The following HEY1 variants were observed in gnomAD, a reference collection of about 807,000 sequenced individuals.
HEY1 encodes the protein hes related family bHLH transcription factor with YRPW motif 1.
Under a neutral mutation model 28.7 loss-of-function variants are expected in HEY1, and 9 were observed. The ratio of observed to expected loss-of-function variants is 0.31; its 90% CI spans 0.19 to 0.55. The LOEUF is 0.55. Among genes scored for constraint, HEY1 ranks in the 20% least tolerant of loss-of-function variants. The pLI is 0.93. For missense variants in HEY1, 385 were observed against 399.4 expected (o/e 0.96, Z 0.31); for synonymous variants, 213 against 175.6 (o/e 1.21, Z -1.68).
chr8:79,764,150 TAAATC>T lies in HEY1; in HGVS notation c.*1033_*1037del, dbSNP rs1807769438. On this transcript the variant is annotated 3_prime_UTR_variant, in exon 5 of 5. Transcript: ENST00000354724. ...ATTTTATAGCCCAAATCAAATTAAA[TAAATC>T]AAAGAGAAGGAGGCAGGAAAGCCCT... is the stretch of plus-strand genomic sequence containing the variant. 2 of 205,782 alleles carry T rather than the reference TAAATC, an allele frequency of 9.7e-6. No individual in the cohort carries two copies. The highest frequency in any genetic ancestry group is 9.9e-6 in the Non-Finnish European group (1 of 100,858). The allele number at this position is 205,782 out of a possible 1,614,324, so 12.7% of individuals were successfully genotyped here.
In HEY1 at chr8:79,764,372, T is replaced by C. The variant is rs977007375; in HGVS notation, c.*816A>G. 4.4e-6 allele frequency: 1 copy of C among 226,698 alleles called. No homozygotes were observed. The highest frequency in any genetic ancestry group is 8.8e-6 in the Non-Finnish European group (1 of 114,152). The allele number at this position is 226,698 out of a possible 1,614,324, so 14.0% of individuals were successfully genotyped here. A position where few individuals can be genotyped will look rare whatever the true frequency, so the allele number is the denominator to read the frequency against. On this transcript the variant is annotated 3_prime_UTR_variant, in exon 5 of 5. Coordinates refer to ENST00000354724, the MANE Select transcript of HEY1 (RefSeq NM_012258.4). ...TTAACATTTGTGAATTTGAGATCCG[T>C]GTGATTAAAAATTCTTTGTGTTGCT...
At chr8:79,767,457 A>G in intron 1 of HEY1, 118 bp downstream of exon 1, 1 of 1,155,506 alleles carries the variant, frequency 8.7e-7, no homozygotes, top group Non-Finnish European at 1.2e-6. Context: ...CCAGCCTGCG[A>G]CGCGCGGAGG....
At position 79,765,459 on chromosome 8, in the gene HEY1, T is replaced by A. The variant is rs767805467; in HGVS notation, c.644A>T (p.His215Leu). The change falls in exon 5 of 5, where the codon CAC (histidine) becomes CTC (leucine). Residue 215 changes from histidine to leucine, a missense_variant. By Grantham distance (99) the His-to-Leu change is moderately conservative (BLOSUM62 -3). Transcript: ENST00000354724. ...ATGTGCCGAGCCCAGCCTGCCCTGG[T>A]GGTGCGGTTCCGTGGGTGAGGCCGT... ...GTTASPTEPHHQGRLGSAHPE... is the reference protein window; with the variant it reads ...GTTASPTEPHLQGRLGSAHPE... 2 of 1,613,224 alleles carry A rather than the reference T, an allele frequency of 1.2e-6. No individual in the cohort carries two copies. The highest frequency in any genetic ancestry group is 3.3e-5 in the Admixed American group (2 of 59,980).
At chr8:79,767,478 G>T in intron 1 of HEY1, 97 bp downstream of exon 1, 2 of 1,277,144 alleles carry the variant, frequency 1.6e-6, no homozygotes, top group Admixed American at 2.1e-5. Flanking sequence ...TCAGCGCAGG[G>T]CACCGGCGCG....
Position 79,767,067 on chromosome 8 carries a change from C to T in HEY1, c.191G>A (p.Arg64Gln). The change falls in exon 3 of 5, where the codon CGG (arginine) becomes CAG (glutamine). Residue 64 changes from arginine to glutamine, a missense_variant. Arg to Gln is a conservative substitution (Grantham distance 43, BLOSUM62 1). Around this residue, in one of 3 missense-constraint regions of HEY1, gnomAD observed 83 missense variants for 122.7 expected, o/e 0.68. Coordinates refer to ENST00000354724, the MANE Select transcript of HEY1 (RefSeq NM_012258.4). ...RGIIEKRRRD[R>Q]INNSLSELRR... Reference sequence around the variant, plus strand: ...CAGCTCAGACAAACTGTTATTGATCCGGTCTCGTCGGCGCTTCTCAATTAT... The same window carrying T: ...CAGCTCAGACAAACTGTTATTGATCTGGTCTCGTCGGCGCTTCTCAATTAT... 6.2e-7 allele frequency: 1 copy of T among 1,613,958 alleles called. No homozygotes were observed. The highest frequency in any genetic ancestry group is 8.5e-7 in the Non-Finnish European group (1 of 1,179,978).
rs766042211 is a variant in HEY1, at chr8:79,764,153, A to G, written c.*1035T>C. On this transcript the variant is annotated 3_prime_UTR_variant, in exon 5 of 5. Transcript: ENST00000354724. ...TTATAGCCCAAATCAAATTAAATAA[A>G]TCAAAGAGAAGGAGGCAGGAAAGCC... 9 of 206,936 alleles carry G rather than the reference A, an allele frequency of 4.3e-5. No individual in the cohort carries two copies. Among genetic ancestry groups the G allele is most frequent in the Admixed American group, 5.9e-5 (1 of 16,862 alleles). The allele number at this position is 206,936 out of a possible 1,614,324, so 12.8% of individuals were successfully genotyped here.
chr8:79,765,687 C>T lies in HEY1; in HGVS notation c.416G>A (p.Ser139Asn), dbSNP rs752303304. 6.2e-7 allele frequency: 1 copy of T among 1,614,246 alleles called. No homozygotes were observed. The highest frequency in any genetic ancestry group is 8.5e-7 in the Non-Finnish European group (1 of 1,180,040). ...ECLAEVARYL[S>N]IIEGLDASDP... ...AGAGGCATCTAGTCCTTCAATGATGCTCAGATAACGCGCAACTTCTGCCAG... is the reference window on the plus strand; with the variant it reads ...AGAGGCATCTAGTCCTTCAATGATGTTCAGATAACGCGCAACTTCTGCCAG... Residue 139 changes from serine (S) to asparagine (N), a missense_variant, in exon 5 of 5, where the codon AGC becomes AAC. Physicochemically the swap from Ser to Asn is conservative, Grantham distance 46. Coordinates refer to ENST00000354724, the MANE Select transcript of HEY1 (RefSeq NM_012258.4).
chr8:79,767,283 G>A lies in HEY1; in HGVS notation c.101C>T (p.Ser34Leu). 2 of 1,612,000 alleles carry A rather than the reference G, an allele frequency of 1.2e-6. 1 individual carries two copies. Among genetic ancestry groups the A allele is most frequent in the South Asian group, 2.2e-5 (2 of 90,442 alleles). The change falls in exon 2 of 5, where the codon TCG becomes TTG. Residue 34 changes from serine to leucine, a missense_variant. Ser to Leu is a moderately radical substitution (Grantham distance 145, BLOSUM62 -2). Around this residue, in one of 3 missense-constraint regions of HEY1, gnomAD observed 79 missense variants for 60.7 expected, o/e 1.30. Transcript: ENST00000354724. ...AGTTGGGGACATGGAACCTAGAGCCGAACTCAAGTTTCTGAAAAGAGAAAA... is the reference window on the plus strand; with the variant it reads ...AGTTGGGGACATGGAACCTAGAGCCAAACTCAAGTTTCTGAAAAGAGAAAA... ...ESADENGNLS[S>L]ALGSMSPTTS... is the part of the protein sequence containing the mutation.
rs1292947371 is a variant in HEY1 at position 79,765,230 on chromosome 8, G to A, written c.873C>T (p.Gly291=). Reference sequence around the variant, plus strand: ...CCGTCCCCCAAGGTCTATAGGGCTTGCCAAGGTTTGCAGCCTGCGTGGGTG... The same window carrying A: ...CCGTCCCCCAAGGTCTATAGGGCTTACCAAGGTTTGCAGCCTGCGTGGGTG... ...PSAPTQAANL[G]KPYRPWGTEI... Residue 291 remains glycine (G), a synonymous_variant, in exon 5 of 5, where the codon GGC becomes GGT. Transcript: ENST00000354724. The A allele has an allele frequency of 6.4e-7, 1 of 1,553,112 alleles. No individual in the cohort carries two copies. Among genetic ancestry groups the A allele is most frequent in the Non-Finnish European group, 8.7e-7 (1 of 1,147,488 alleles).
Position 79,767,051 on chromosome 8 carries a change from C to T in HEY1, c.207G>A (p.Leu69=). 1 of 1,614,060 alleles carries T rather than the reference C, an allele frequency of 6.2e-7. No homozygotes were observed. The highest frequency in any genetic ancestry group is 1.3e-5 in the African/African-American group (1 of 75,002). ...KRRRDRINNS[L]SELRRLVPSA... is the part of the protein sequence containing the mutation. Reference sequence around the variant, plus strand: ...TGGGTACCAGCCTTCTCAGCTCAGACAAACTGTTATTGATCCGGTCTCGTC... The same window carrying T: ...TGGGTACCAGCCTTCTCAGCTCAGATAAACTGTTATTGATCCGGTCTCGTC... Residue 69 remains leucine (L), a synonymous_variant, in exon 3 of 5, where the codon TTG becomes TTA. Coordinates refer to ENST00000354724, the MANE Select transcript of HEY1 (RefSeq NM_012258.4).
chr8:79,767,363 C>A, intron 1 of HEY1, 69 bp from the exon 2 acceptor site: 1 of 1,370,718 alleles, frequency 7.3e-7, no homozygotes, highest in South Asian at 1.2e-5. Context: ...TCTGAGAGGT[C>A]GCCCCCACAC....
At chr8:79,766,938 G>A (rs1807856831) in intron 3 of HEY1, 71 bp downstream of exon 3, 1 of 1,358,684 alleles carries the variant, frequency 7.4e-7, no homozygotes, top group Non-Finnish European at 1.0e-6. Context: ...CAAGGCGGAT[G>A]AGATTAATGA....
chr8:79,765,532 C>A lies in HEY1; in HGVS notation c.571G>T (p.Ala191Ser). ...TTCTGGGGCAGCAACAGCGGGTGCG[C>A]GATGTGCGGGTGATGTCCGAAGACG... is the stretch of plus-strand genomic sequence containing the variant. ...GTVFGHHPHI[A>S]HPLLLPQNGH... Residue 191 changes from alanine to serine, a missense_variant, in exon 5 of 5, where the codon GCG becomes TCG. Physicochemically the swap from Ala to Ser is moderately conservative, Grantham distance 99. Around this residue, in one of 3 missense-constraint regions of HEY1, gnomAD observed 223 missense variants for 215.9 expected, o/e 1.03. Coordinates refer to ENST00000354724, the MANE Select transcript of HEY1 (RefSeq NM_012258.4). 2 of 1,613,770 alleles carry A rather than the reference C, an allele frequency of 1.2e-6. No individual in the cohort carries two copies. Among genetic ancestry groups the A allele is most frequent in the Non-Finnish European group, 1.7e-6 (2 of 1,179,990 alleles).
In HEY1 at chr8:79,767,023, C is replaced by G; in HGVS notation, c.235G>C (p.Ala79Pro). 2 of 1,614,000 alleles carry G rather than the reference C, an allele frequency of 1.2e-6. No homozygotes were observed. Among genetic ancestry groups the G allele is most frequent in the Non-Finnish European group, 1.7e-6 (2 of 1,179,922 alleles). ...LSELRRLVPS[A>P]FEKQGSAKLE... ...TGCTCCATTACCTGCTTCTCAAAAG[C>G]ACTGGGTACCAGCCTTCTCAGCTCA... is the stretch of plus-strand genomic sequence containing the variant. Residue 79 changes from alanine (A) to proline (P), a missense_variant, in exon 3 of 5, where the codon GCT (alanine) becomes CCT (proline). Transcript: ENST00000354724.
At position 79,767,607 on chromosome 8, in the gene HEY1, G is replaced by T; in HGVS notation, c.57C>A (p.Ile19=). Residue 19 remains isoleucine, a synonymous_variant, in exon 1 of 5, where the codon ATC becomes ATA. Coordinates refer to ENST00000354724, the MANE Select transcript of HEY1 (RefSeq NM_012258.4). The stretch of plus-strand genomic sequence containing the variant: ...CGTCCGCACTCTCCTTCTCCACCTC[G>T]ATGGTCTCGTCCAGCTCGCTGTCCG... ...SSSDSELDET[I]EVEKESADEN... The T allele has an allele frequency of 6.2e-7, 1 of 1,610,594 alleles. No homozygotes were observed. The highest frequency in any genetic ancestry group is 1.3e-5 in the African/African-American group (1 of 74,900).
chr8:79,766,098 G>A, intron 4 of HEY1: 3 of 855,900 alleles, frequency 3.5e-6, no homozygotes, highest in Non-Finnish European at 5.3e-6. Flanking sequence ...AAACCACAGA[G>A]CAGTGAAATT....
At chr8:79,767,548 G>C in intron 1 of HEY1, 27 bp downstream of exon 1, 1 of 1,582,072 alleles carries the variant, frequency 6.3e-7, no homozygotes, top group Non-Finnish European at 8.6e-7. Flanking sequence ...GCTCTGGCTC[G>C]GCTCCGCTCC....
At chr8:79,766,065 CA>C in intron 4 of HEY1, 1 of 714,412 alleles carries the variant, frequency 1.4e-6, no homozygotes, top group Non-Finnish European at 2.2e-6. Flanking sequence ...TCAACAACAA[CA>C]AAAAATACAT....
chr8:79,767,324 T>C (rs1041352988), intron 1 of HEY1, 30 bp from the exon 2 acceptor site: 5 of 1,586,288 alleles, frequency 3.2e-6, no homozygotes. Flanking sequence ...AAACAAAAAC[T>C]GAAATCGCCG....
Sources: gnomAD v4.1 joint callset for allele counts on GRCh38, gnomAD v4.1.1 for gene constraint, gnomAD v4.1.1 regional missense constraint, MANE v1.5 for transcripts, NCBI Gene and HGNC (gene_info 2026-07-23, HGNC 2026-07-21) for gene names.